The following LARP7 variants were observed in gnomAD, a reference collection of about 807,000 sequenced individuals.
LARP7 encodes La ribonucleoprotein 7, transcriptional regulator, also known as la-related protein 7.
Under a neutral mutation model 69.3 loss-of-function variants are expected in LARP7, and 52 were observed. That is an observed-to-expected ratio of 0.75 (90% CI 0.60 to 0.95). The LOEUF (loss-of-function observed/expected upper bound fraction) is 0.95. Among genes scored for constraint, LARP7 ranks in the 40% least tolerant of loss-of-function variants. The pLI is 0.00. For missense variants in LARP7, 733 were observed against 673.0 expected (o/e 1.09, Z -0.99); for synonymous variants, 254 against 215.9 (o/e 1.18, Z -1.55).
chr4:112,643,183 A>G (rs1357964310), intron 1 of LARP7, among the ~76,000 whole-genome samples: 1 of 152,260 alleles, frequency 6.6e-6, no homozygotes, highest in Non-Finnish European at 1.5e-5. Context: ...AATAAATTGC[A>G]TAGTGGTGAT....
At chr4:112,639,892 G>A (rs965021604) in intron 1 of LARP7, among the ~76,000 whole-genome samples, 1 of 151,938 alleles carries the variant, frequency 6.6e-6, no homozygotes, top group Admixed American at 6.6e-5. Context: ...ATCAATTATA[G>A]AATTATAATT....
intron 8 of LARP7, chr4:112,648,340 A>G (rs1434685248): frequency 1.9e-6 from 1 of 532,060 alleles, no homozygotes; most frequent in African/African-American, 1.9e-5. Flanking sequence ...TTTTGTAACA[A>G]AAGGTGTGCT....
intron 8 of LARP7, chr4:112,648,135 A>G (rs2048439378): frequency 1.9e-6 from 1 of 530,526 alleles, no homozygotes; most frequent in South Asian, 1.5e-5. Flanking sequence ...GGTCAATACA[A>G]TAAAGTTATT....
chr4:112,657,067 A>G (rs562115076), intron 12 of LARP7, among the ~76,000 whole-genome samples, 180 bp from the exon 13 acceptor site: 3 of 152,110 alleles, frequency 2.0e-5, no homozygotes, highest in East Asian at 3.9e-4. Context: ...TTGATTTGTA[A>G]TTGATTTGAC....
At chr4:112,650,656 T>C in intron 10 of LARP7, 74 bp downstream of exon 10, 1 of 1,435,100 alleles carries the variant, frequency 7.0e-7, no homozygotes, top group South Asian at 1.3e-5. Context: ...ATGTTTTGAA[T>C]ATGGAAGATA....
At chr4:112,646,711 C>G in intron 4 of LARP7, 40 bp downstream of exon 4, 1 of 1,554,230 alleles carries the variant, frequency 6.4e-7, no homozygotes, top group Non-Finnish European at 8.7e-7. Flanking sequence ...GAAACTGGCA[C>G]AGAAACAATA....
chr4:112,643,965 A>G (rs551230189), intron 1 of LARP7, among the ~76,000 whole-genome samples: 1 of 150,790 alleles, frequency 6.6e-6, no homozygotes, highest in South Asian at 2.1e-4. Context: ...CAAAATTGCC[A>G]GGCGCGGCGG....
At chr4:112,651,455 CA>C (rs1198410290) in intron 10 of LARP7, among the ~76,000 whole-genome samples, 4 of 152,126 alleles carry the variant, frequency 2.6e-5, no homozygotes, top group Admixed American at 6.6e-5. Context: ...GCTTGCATTT[CA>C]GGAGACAGCT....
chr4:112,656,455 C>G (rs377207438), intron 12 of LARP7, among the ~76,000 whole-genome samples: 1 of 152,142 alleles, frequency 6.6e-6, no homozygotes, highest in East Asian at 1.9e-4. Flanking sequence ...AGTGATGTAT[C>G]ACAAAAGATC....
Position 112,657,420 on chromosome 4 carries a change from G to A in LARP7, c.*93G>A, listed in dbSNP as rs1349284408. On this transcript the variant is annotated 3_prime_UTR_variant, in exon 13 of 13. Transcript: ENST00000344442. ...ATTATGGTAGCACTGCATAATTAAT[G>A]TGTTTTTAATTAAAAGAAATATCTT... The A allele has an allele frequency of 4.0e-6, 2 of 505,550 alleles. No homozygotes were observed. The highest frequency in any genetic ancestry group is 6.6e-6 in the Non-Finnish European group (2 of 303,270). 31.3% of individuals were successfully genotyped at this position (505,550 alleles called of 1,614,324 possible).
At chr4:112,650,615 C>A in intron 10 of LARP7, 33 bp downstream of exon 10, 1 of 1,577,130 alleles carries the variant, frequency 6.3e-7, no homozygotes, top group Non-Finnish European at 8.6e-7. Context: ...GTATTTGTTC[C>A]TTTCTTCTCT....
intron 1 of LARP7, among the ~76,000 whole-genome samples, chr4:112,638,540 C>T (rs2047809345): frequency 6.6e-6 from 1 of 152,178 alleles, no homozygotes; most frequent in Admixed American, 6.6e-5. Context: ...TTTCAACGTT[C>T]CTGATTGCCT....
rs372796504 is a variant in LARP7 at position 112,649,648 on chromosome 4, G to T, written c.1256G>T (p.Ser419Ile). 21 of 1,607,172 alleles carry T rather than the reference G, an allele frequency of 1.3e-5. No individual in the cohort carries two copies. The highest frequency in any genetic ancestry group is 1.6e-5 in the Non-Finnish European group (19 of 1,177,080). Residue 419 changes from serine to isoleucine, a missense_variant, in exon 9 of 13, where the codon AGT becomes ATT. Ser to Ile is a moderately radical substitution (Grantham distance 142). Coordinates refer to ENST00000344442, the MANE Select transcript of LARP7 (RefSeq NM_016648.4). Reference sequence around the variant, plus strand: ...TCAGAGTCAGAAATGGAAACAGACAGTGGAGTACCTCAAAACACTGGAATG... The same window carrying T: ...TCAGAGTCAGAAATGGAAACAGACATTGGAGTACCTCAAAACACTGGAATG... The part of the protein sequence containing the change: ...IKSESEMETD[S>I]GVPQNTGMKN...
intron 8 of LARP7, chr4:112,648,403 A>G (rs1326700560): frequency 9.4e-6 from 5 of 534,710 alleles, no homozygotes; most frequent in South Asian, 7.0e-5. Context: ...TGTTTCACAC[A>G]GCAGGTACCC....
chr4:112,646,976 A>T, intron 5 of LARP7, 21 bp downstream of exon 5: 4 of 1,575,558 alleles, frequency 2.5e-6, no homozygotes, highest in Non-Finnish European at 3.4e-6. Flanking sequence ...ATCCTAAAAA[A>T]AAAAAAAGAA....
intron 10 of LARP7, among the ~76,000 whole-genome samples, chr4:112,651,878 T>C (rs2048757308): frequency 6.6e-6 from 1 of 152,170 alleles, no homozygotes; most frequent in African/African-American, 2.4e-5. Context: ...AACTCATTAC[T>C]ACTACTGAAT....
chr4:112,647,887 T>C (rs896333735), intron 8 of LARP7, 53 bp downstream of exon 8: 2 of 1,258,244 alleles, frequency 1.6e-6, no homozygotes, highest in Non-Finnish European at 1.2e-6. Flanking sequence ...TCACCATTGC[T>C]AAAGTGCAAT....
Position 112,651,945 on chromosome 4 carries a change from C to T in LARP7, c.1417-1132C>T, listed in dbSNP as rs79120679. Among the ~76,000 whole-genome samples the T allele has an allele frequency of 2.0e-5, 3 of 150,778 alleles. No individual in the cohort carries two copies. The South Asian group carries it at 6.3e-4, about 31-fold the overall frequency. ...ACTTGCTTTATATCTAAATTTGGTA[C>T]TAATTAACTAGGTAAAGAAGTGGGA... is the stretch of plus-strand genomic sequence containing the variant. On this transcript the variant is annotated intron_variant, in intron 10 of 12. Coordinates refer to ENST00000344442, the MANE Select transcript of LARP7 (RefSeq NM_016648.4).
At chr4:112,644,268 C>A in intron 1 of LARP7, 6 of 193,900 alleles carry the variant, frequency 3.1e-5, no homozygotes, top group Admixed American at 8.1e-5. Flanking sequence ...GCGAATACAA[C>A]TTCTCTGGGG....
Sources: gnomAD v4.1 joint callset for allele counts (sites outside exome capture counted in the v4.1 genomes callset) on GRCh38, gnomAD v4.1.1 for gene constraint, MANE v1.5 for transcripts, NCBI Gene and HGNC (gene_info 2026-07-23, HGNC 2026-07-21) for gene names.